Variants in FBXO11 observed in about 807,000 individuals in gnomAD.
FBXO11 encodes F-box only protein 11.
FBXO11 carries 13 observed loss-of-function variants against 117.0 expected under a neutral mutation model. The observed-to-expected ratio is 0.11, with a 90% CI of 0.07 to 0.18. FBXO11 has a LOEUF of 0.18. Among genes scored for constraint, FBXO11 ranks in the 10% least tolerant of loss-of-function variants. The pLI is 1.00. For synonymous variants in FBXO11, 490 were observed against 380.5 expected, an observed-to-expected ratio of 1.29 and a Z score of -3.35; for missense variants, 767 against 1,164.4, an observed-to-expected ratio of 0.66 and a Z score of 4.97.
intron 1 of FBXO11, among the ~76,000 whole-genome samples, chr2:47,881,021 G>A (rs1367199620): frequency 6.6e-6 from 1 of 152,198 alleles, no homozygotes; most frequent in Non-Finnish European, 1.5e-5. Context: ...TTGGGAGGCT[G>A]AGGTGGGCAG....
At chr2:47,872,812 T>A (rs563808463) in intron 1 of FBXO11, among the ~76,000 whole-genome samples, 3 of 152,336 alleles carry the variant, frequency 2.0e-5, no homozygotes, top group Non-Finnish European at 4.4e-5. Context: ...TATGTAAAAC[T>A]ATTCCACTCT....
At chr2:47,829,684 G>C (rs1183946004) in intron 11 of FBXO11, among the ~76,000 whole-genome samples, 1 of 151,892 alleles carries the variant, frequency 6.6e-6, no homozygotes, top group Non-Finnish European at 1.5e-5. Flanking sequence ...ATTGAGGAGT[G>C]GATTAGCACT....
intron 14 of FBXO11, 56 bp from the exon 15 acceptor site, chr2:47,819,134 A>C: frequency 6.4e-7 from 1 of 1,569,546 alleles, no homozygotes; most frequent in Non-Finnish European, 8.7e-7. Flanking sequence ...AGGCGTTTAT[A>C]GTCTGTTACC....
chr2:47,809,002 TAC>T (rs566333091), intron 21 of FBXO11, 154 bp downstream of exon 21: 13 of 538,528 alleles, frequency 2.4e-5, no homozygotes, highest in Admixed American at 3.7e-5. Flanking sequence ...TACCCACAGT[TAC>T]AGTCTTAAAC....
At chr2:47,879,651 CTCTG>C (rs1363258471) in intron 1 of FBXO11, among the ~76,000 whole-genome samples, 2 of 152,312 alleles carry the variant, frequency 1.3e-5, no homozygotes, top group Non-Finnish European at 2.9e-5. Context: ...GAAGGCTACC[CTCTG>C]TCTATGATTA....
At chr2:47,839,290 T>C in intron 3 of FBXO11, 129 bp downstream of exon 3, 1 of 885,892 alleles carries the variant, frequency 1.1e-6, no homozygotes, top group South Asian at 1.9e-5. Flanking sequence ...GTTCTAAAGT[T>C]TATTCTGTAA....
intron 1 of FBXO11, among the ~76,000 whole-genome samples, chr2:47,858,271 A>G (rs1674468407): frequency 6.6e-6 from 1 of 151,744 alleles, no homozygotes; most frequent in African/African-American, 2.4e-5. Flanking sequence ...CGGCCTCCCA[A>G]AGTGCTGGGA....
chr2:47,822,497 T>C (rs1413756887), intron 12 of FBXO11, among the ~76,000 whole-genome samples, 194 bp from the exon 13 acceptor site: 27 of 152,232 alleles, frequency 1.8e-4, no homozygotes, highest in Non-Finnish European at 1.5e-5. Context: ...GTAGCATTCT[T>C]AAAAATTCCC....
chr2:47,814,720 T>C (rs888368684), intron 16 of FBXO11, among the ~76,000 whole-genome samples: 19 of 152,308 alleles, frequency 1.2e-4, no homozygotes, highest in Non-Finnish European at 1.0e-4. Flanking sequence ...GTTTGCCACA[T>C]AGACTGACTC....
chr2:47,860,091 A>G (rs771729509), intron 1 of FBXO11, among the ~76,000 whole-genome samples: 4 of 152,202 alleles, frequency 2.6e-5, no homozygotes, highest in Non-Finnish European at 4.4e-5. Flanking sequence ...AACGGGCACT[A>G]AATGAGAGCT....
At chr2:47,825,536 T>G (rs1671684722) in intron 11 of FBXO11, among the ~76,000 whole-genome samples, 1 of 151,696 alleles carries the variant, frequency 6.6e-6, no homozygotes, top group Non-Finnish European at 1.5e-5. Flanking sequence ...TGCCAAGAGT[T>G]GAATGACATG....
At chr2:47,819,373 G>T (rs368014598) in intron 14 of FBXO11, among the ~76,000 whole-genome samples, 1 of 152,012 alleles carries the variant, frequency 6.6e-6, no homozygotes, top group South Asian at 2.1e-4. Flanking sequence ...CTGCCACCAC[G>T]CCTGGCTAAT....
intron 1 of FBXO11, among the ~76,000 whole-genome samples, chr2:47,895,087 T>A (rs1677555807): frequency 6.6e-6 from 1 of 152,174 alleles, no homozygotes; most frequent in Non-Finnish European, 1.5e-5. Flanking sequence ...GGAAATTTTG[T>A]CTTTGAGAAA....
intron 11 of FBXO11, among the ~76,000 whole-genome samples, chr2:47,828,675 AAG>A (rs1281251987): frequency 1.3e-5 from 2 of 152,144 alleles, no homozygotes; most frequent in Non-Finnish European, 2.9e-5. Flanking sequence ...CAGATTAAAA[AAG>A]AGAGAAAAAT....
chr2:47,867,412 G>A (rs1471522104), intron 1 of FBXO11, among the ~76,000 whole-genome samples: 2 of 152,166 alleles, frequency 1.3e-5, no homozygotes, highest in African/African-American at 4.8e-5. Flanking sequence ...TGATTGGCCT[G>A]GAAGTGACAC....
At chr2:47,841,012 C>T (rs1048651056) in intron 1 of FBXO11, among the ~76,000 whole-genome samples, 5 of 151,940 alleles carry the variant, frequency 3.3e-5, no homozygotes, top group Non-Finnish European at 1.5e-5. Context: ...TCCTGGAAAA[C>T]ACAGTGAAAC....
chr2:47,860,543 T>C (rs181874994), intron 1 of FBXO11, among the ~76,000 whole-genome samples: 2 of 151,974 alleles, frequency 1.3e-5, no homozygotes, highest in East Asian at 3.9e-4. Context: ...CCCAAGTAGC[T>C]GGGACTACAG....
chr2:47,814,692 T>C (rs1161231755), intron 16 of FBXO11, among the ~76,000 whole-genome samples: 1 of 152,170 alleles, frequency 6.6e-6, no homozygotes, highest in African/African-American at 2.4e-5. Flanking sequence ...TGGCAATCTC[T>C]TAAAATAAGA....
chr2:47,817,658 G>A (rs1360586384), intron 16 of FBXO11, among the ~76,000 whole-genome samples: 1 of 152,176 alleles, frequency 6.6e-6, no homozygotes, highest in African/African-American at 2.4e-5. Flanking sequence ...TACTTATAGA[G>A]GCCATTTGAG....
Sources: gnomAD v4.1 joint callset for allele counts (sites outside exome capture counted in the v4.1 genomes callset) on GRCh38, gnomAD v4.1.1 for gene constraint, MANE v1.5 for transcripts, NCBI Gene and HGNC (gene_info 2026-07-23, HGNC 2026-07-21) for gene names.